Variants in SORCS2 observed in about 807,000 individuals in gnomAD.
SORCS2 encodes VPS10 domain-containing receptor SorCS2.
SORCS2 carries 100 observed loss-of-function variants against 141.6 expected under a neutral mutation model. The ratio of observed to expected loss-of-function variants is 0.71; its 90% confidence interval spans 0.60 to 0.83. The LOEUF (loss-of-function observed/expected upper bound fraction) is 0.83. Ranked by LOEUF, SORCS2 falls within the 40% of genes least tolerant of loss-of-function variation. The pLI, the probability that SORCS2 is intolerant of heterozygous loss-of-function variation, is 0.00. For synonymous variants in SORCS2, 789 were observed against 676.9 expected (o/e 1.17, Z -2.57); for missense variants, 1,646 against 1,560.2 (o/e 1.05, Z -0.93).
chr4:7,456,838 G>T (rs938925160), intron 2 of SORCS2, among the ~76,000 whole-genome samples: 2 of 152,044 alleles, frequency 1.3e-5, no homozygotes, highest in African/African-American at 4.8e-5. Flanking sequence ...AGGCTTTGGG[G>T]CCTGCAGAAT....
chr4:7,403,997 A>ATATATATATATATTTTT (rs1265288820), intron 2 of SORCS2, among the ~76,000 whole-genome samples: 1 of 18,972 alleles, frequency 5.3e-5, no homozygotes, highest in Admixed American at 5.3e-4. Flanking sequence ...ATATATATAT[A>ATATATATATATATTTTT]TTTTTTTTTT....
At chr4:7,412,265 G>A (rs1299957483) in intron 2 of SORCS2, among the ~76,000 whole-genome samples, 1 of 152,234 alleles carries the variant, frequency 6.6e-6, no homozygotes, top group Non-Finnish European at 1.5e-5. Flanking sequence ...TGCTCCTGCA[G>A]GCCGATGGCC....
intron 10 of SORCS2, 147 bp from the exon 11 acceptor site, chr4:7,689,339 T>TC: frequency 2.9e-6 from 2 of 678,524 alleles, no homozygotes; most frequent in Middle Eastern, 2.8e-4. Flanking sequence ...CACACCTGCT[T>TC]CCCATCCTCC....
chr4:7,641,961 T>C (rs553922586), intron 4 of SORCS2, among the ~76,000 whole-genome samples: 11 of 144,876 alleles, frequency 7.6e-5, no homozygotes, highest in Admixed American at 5.5e-4. Flanking sequence ...GGATGGATGG[T>C]AGATGGATGG....
Position 7,638,141 on chromosome 4 carries a change from C to T in SORCS2, c.649-187C>T, listed in dbSNP as rs538311269. Among the ~76,000 whole-genome samples the T allele has an allele frequency of 1.9e-4, 29 of 151,394 alleles. No individual in the cohort carries two copies. The South Asian group carries it at 4.4e-3, about 23-fold the overall frequency. On this transcript the variant is annotated intron_variant, in intron 3 of 26. Transcript: ENST00000507866. ...GAGCTGGCCGGGCTGGGGGCGGGCC[C>T]GCCATTTCTGGGCACTCCTCCCTGG...
chr4:7,291,083 CA>C (rs1047674416), intron 1 of SORCS2, among the ~76,000 whole-genome samples: 1 of 152,038 alleles, frequency 6.6e-6, no homozygotes, highest in Non-Finnish European at 1.5e-5. Context: ...GGGCATGGAG[CA>C]GGGGGGACAG....
At chr4:7,349,241 C>T (rs1720805226) in intron 1 of SORCS2, among the ~76,000 whole-genome samples, 1 of 152,158 alleles carries the variant, frequency 6.6e-6, no homozygotes, top group Non-Finnish European at 1.5e-5. Flanking sequence ...ACACTCATGC[C>T]CTGTCCACCC....
chr4:7,253,761 A>C (rs559479961), intron 1 of SORCS2, among the ~76,000 whole-genome samples: 1 of 152,350 alleles, frequency 6.6e-6, no homozygotes, highest in Non-Finnish European at 1.5e-5. Flanking sequence ...GGTGGGCAGG[A>C]GGCCCCTGCC....
Position 7,459,478 on chromosome 4 carries a change from C to G in SORCS2, c.548+63123C>G, listed in dbSNP as rs145029744. ...ATGGGCTTTACCATTCAGTTCCTCT[C>G]TCCCAGGTGGACGTGAGAGTTGAAT... On this transcript the variant is annotated intron_variant, in intron 2 of 26. Transcript: ENST00000507866. Among the ~76,000 whole-genome samples, 402 of 152,272 alleles carry G rather than the reference C, an allele frequency of 2.6e-3. 2 individuals are homozygous for G. The highest frequency in any genetic ancestry group is 9.1e-3 in the African/African-American group (380 of 41,558).
chr4:7,356,573 C>G (rs1178763163), intron 1 of SORCS2, among the ~76,000 whole-genome samples: 1 of 152,222 alleles, frequency 6.6e-6, no homozygotes, highest in African/African-American at 2.4e-5. Flanking sequence ...GGCCCCCACC[C>G]TCGTGACTAC....
At chr4:7,262,375 TATCCATCCATCCATCCATCCATCC>T (rs61111993) in intron 1 of SORCS2, among the ~76,000 whole-genome samples, 13 of 137,090 alleles carry the variant, frequency 9.5e-5, no homozygotes, top group East Asian at 2.2e-4. Context: ...CCTATCCATC[TATCCATCCATCCATCCATCCATCC>T]ATCCATCCAT....
intron 3 of SORCS2, among the ~76,000 whole-genome samples, chr4:7,579,414 G>A (rs1002335349): frequency 1.3e-5 from 2 of 152,100 alleles, no homozygotes; most frequent in African/African-American, 2.4e-5. Flanking sequence ...AGTATTAGGA[G>A]GTAGGTGTTA....
At chr4:7,653,406 G>A (rs1482920021) in intron 4 of SORCS2, among the ~76,000 whole-genome samples, 2 of 152,184 alleles carry the variant, frequency 1.3e-5, no homozygotes, top group Non-Finnish European at 2.9e-5. Flanking sequence ...ACCATGCCCA[G>A]CTAATTTTGT....
rs1560372946 is a variant in SORCS2, at chr4:7,543,695, C to CCCAT, written c.648+12078_648+12081dup. 7.3e-4 allele frequency among the ~76,000 whole-genome samples: 23 copies of CCCAT among 31,494 alleles called. 8 individuals carry two copies. Among genetic ancestry groups the CCCAT allele is most frequent in the East Asian group, 3.0e-3 (1 of 338 alleles). The allele number at this position is 31,494 out of a possible 152,430, so 20.7% of individuals were successfully genotyped here. A position where few individuals can be genotyped will look rare whatever the true frequency, so the allele number is the denominator to read the frequency against. On this transcript the variant is annotated intron_variant, in intron 3 of 26. Transcript: ENST00000507866. Reference sequence around the variant, plus strand: ...ATCCATCCACCCATCCACCCATCCACCCATCCATCCATCCACCCATCCACC... The same window carrying CCCAT: ...ATCCATCCACCCATCCACCCATCCACCCATCCATCCATCCATCCACCCATCCACC...
intron 3 of SORCS2, among the ~76,000 whole-genome samples, chr4:7,604,939 A>T (rs2108799624): frequency 6.6e-6 from 1 of 152,302 alleles, no homozygotes; most frequent in Non-Finnish European, 1.5e-5. Context: ...CCCCATGCAG[A>T]TGTCAAAAGA....
intron 26 of SORCS2, among the ~76,000 whole-genome samples, chr4:7,738,702 T>C (rs1712405361): frequency 6.6e-6 from 1 of 152,182 alleles, no homozygotes; most frequent in South Asian, 2.1e-4. Context: ...CCTCAGAACG[T>C]GAGCGGCGGA....
intron 1 of SORCS2, among the ~76,000 whole-genome samples, chr4:7,300,833 G>A (rs1717383375): frequency 6.6e-6 from 1 of 152,202 alleles, no homozygotes; most frequent in African/African-American, 2.4e-5. Context: ...GGGGACCTGA[G>A]CCAGTCCTGT....
At chr4:7,234,362 G>A (rs888207390) in intron 1 of SORCS2, among the ~76,000 whole-genome samples, 1 of 152,224 alleles carries the variant, frequency 6.6e-6, no homozygotes, top group African/African-American at 2.4e-5. Flanking sequence ...GAAGTTTCCA[G>A]TCATTGCCAT....
Position 7,389,880 on chromosome 4 carries a change from C to T in SORCS2, c.481-6408C>T, listed in dbSNP as rs374151440. On this transcript the variant is annotated intron_variant, in intron 1 of 26. Coordinates refer to ENST00000507866, the MANE Select transcript of SORCS2 (RefSeq NM_020777.3). Reference sequence around the variant, plus strand: ...GACTGCTGAGGGATGGGAGGAGCCCCGGCTTCCTGATGAGGCTGAAGGACA... The same window carrying T: ...GACTGCTGAGGGATGGGAGGAGCCCTGGCTTCCTGATGAGGCTGAAGGACA... 7.9e-5 allele frequency among the ~76,000 whole-genome samples: 12 copies of T among 152,178 alleles called. No homozygotes were observed. The East Asian group carries it at 1.9e-3, about 25-fold the overall frequency.
Sources: gnomAD v4.1 joint callset for allele counts (sites outside exome capture counted in the v4.1 genomes callset) on GRCh38, gnomAD v4.1.1 for gene constraint, MANE v1.5 for transcripts, NCBI Gene and HGNC (gene_info 2026-07-23, HGNC 2026-07-21) for gene names.